The following RGS7 variants were observed in gnomAD, a reference collection of about 807,000 sequenced individuals.
RGS7 encodes the protein regulator of G protein signaling 7.
In RGS7, 27 loss-of-function variants were observed where a neutral mutation model predicts 81.1. The observed-to-expected ratio is 0.33, with a 90% CI of 0.25 to 0.46. The LOEUF (loss-of-function observed/expected upper bound fraction) is 0.46. Among genes scored for constraint, RGS7 ranks in the 20% least tolerant of loss-of-function variants. The pLI, the probability that RGS7 is intolerant of heterozygous loss-of-function variation, is 1.00. For synonymous variants in RGS7, 208 were observed against 207.7 expected, an observed-to-expected ratio of 1.00 and a Z score of -0.01; for missense variants, 396 against 607.4, an observed-to-expected ratio of 0.65 and a Z score of 3.66.
At chr1:240,993,180 GGAAA>G (rs1428789361) in intron 3 of RGS7, among the ~76,000 whole-genome samples, 16 of 138,982 alleles carry the variant, frequency 1.2e-4, no homozygotes, top group East Asian at 1.0e-3. Context: ...AAAGAAAGAA[GGAAA>G]GAAAGAAAGA....
rs567659396 is a variant in RGS7, at chr1:240,986,738, T to A, written c.176-3609A>T. ...GCTGGGACTACAGGCGCCCGCCACC[T>A]CGCCCGGCTAATTTTTTGTATTTTT... On this transcript the variant is annotated intron_variant, in intron 3 of 18. Transcript: ENST00000440928. 3.0e-4 allele frequency among the ~76,000 whole-genome samples: 6 copies of A among 20,022 alleles called. 3 individuals are homozygous for A. Among genetic ancestry groups the A allele is most frequent in the Non-Finnish European group, 3.7e-4 (4 of 10,920 alleles). 13.1% of individuals were successfully genotyped at this position (20,022 alleles called of 152,430 possible).
At chr1:241,142,573 C>G (rs2068008360) in intron 2 of RGS7, among the ~76,000 whole-genome samples, 1 of 152,182 alleles carries the variant, frequency 6.6e-6, no homozygotes, top group Admixed American at 6.5e-5. Context: ...CCCCTTTCAG[C>G]CATGGCTGGA....
At chr1:241,097,321 T>C (rs892699476) in intron 3 of RGS7, among the ~76,000 whole-genome samples, 2 of 151,954 alleles carry the variant, frequency 1.3e-5, no homozygotes, top group Admixed American at 1.3e-4. Flanking sequence ...GAAGTGGGCA[T>C]AAGAGGGAGT....
intron 2 of RGS7, among the ~76,000 whole-genome samples, chr1:241,216,024 C>G (rs71648645): frequency 1.3e-5 from 2 of 152,052 alleles, no homozygotes; most frequent in African/African-American, 4.8e-5. Context: ...GTCATCCCAG[C>G]ACTTTGGGAG....
chr1:240,785,236 C>T (rs1240396924), intron 18 of RGS7, among the ~76,000 whole-genome samples: 3 of 152,180 alleles, frequency 2.0e-5, no homozygotes, highest in African/African-American at 7.2e-5. Context: ...CTGTTACCCA[C>T]GAAGTGGTTC....
chr1:240,825,300 T>G (rs975634914), intron 10 of RGS7, among the ~76,000 whole-genome samples: 2 of 152,208 alleles, frequency 1.3e-5, no homozygotes, highest in African/African-American at 2.4e-5. Context: ...TAAACAACTA[T>G]GAGCTAAAGT....
At position 241,228,492 on chromosome 1, in the gene RGS7, C is replaced by T. The variant is rs1416769783; in HGVS notation, c.78+127207G>A. Among the ~76,000 whole-genome samples, 114 of 151,992 alleles carry T rather than the reference C, an allele frequency of 7.5e-4. 1 individual carries two copies. Among genetic ancestry groups the T allele is most frequent in the South Asian group, 2.1e-4 (1 of 4,822 alleles). On this transcript the variant is annotated intron_variant, in intron 2 of 18. Transcript: ENST00000440928. ...TAAAGACTACTATGGGCATTGAGCC[C>T]GCTGAACAGATAAGAAACCCAAGGT... is the stretch of plus-strand genomic sequence containing the variant.
intron 9 of RGS7, among the ~76,000 whole-genome samples, chr1:240,853,808 G>A (rs1318996603): frequency 6.9e-6 from 1 of 145,594 alleles, no homozygotes; most frequent in Non-Finnish European, 1.5e-5. Context: ...GGCTGAGGCA[G>A]GAGAATGGCG....
chr1:241,059,952 C>T (rs1198650965), intron 3 of RGS7, among the ~76,000 whole-genome samples: 1 of 150,630 alleles, frequency 6.6e-6, no homozygotes, highest in Non-Finnish European at 1.5e-5. Flanking sequence ...CCATTCTCAT[C>T]ATATCCACAG....
chr1:241,067,319 C>T (rs2062119151), intron 3 of RGS7, among the ~76,000 whole-genome samples: 1 of 151,992 alleles, frequency 6.6e-6, no homozygotes, highest in African/African-American at 2.4e-5. Flanking sequence ...CTCTGTATTC[C>T]ATGCTCCTAG....
At chr1:241,167,579 C>A (rs566777606) in intron 2 of RGS7, among the ~76,000 whole-genome samples, 1 of 151,696 alleles carries the variant, frequency 6.6e-6, no homozygotes, top group Non-Finnish European at 1.5e-5. Context: ...AGGGCAATGG[C>A]GCAATCTCGG....
intron 4 of RGS7, among the ~76,000 whole-genome samples, chr1:240,960,546 CTTT>C (rs5782170): frequency 2.4e-4 from 27 of 113,690 alleles, no homozygotes; most frequent in African/African-American, 5.7e-4. Context: ...CTGGGCTGTT[CTTT>C]TTTTTTTTTT....
At chr1:240,831,994 T>C (rs757281196) in intron 9 of RGS7, among the ~76,000 whole-genome samples, 6 of 152,188 alleles carry the variant, frequency 3.9e-5, no homozygotes, top group Non-Finnish European at 8.8e-5. Context: ...TGGCAAACAC[T>C]ATTCCTTTAA....
intron 2 of RGS7, among the ~76,000 whole-genome samples, chr1:241,156,039 T>A (rs1049375530): frequency 4.6e-5 from 7 of 152,008 alleles, no homozygotes; most frequent in African/African-American, 1.7e-4. Context: ...AGGCACTGTC[T>A]AGGTTCTATA....
chr1:240,999,799 C>T (rs778973274), intron 3 of RGS7, among the ~76,000 whole-genome samples: 5 of 151,486 alleles, frequency 3.3e-5, no homozygotes, highest in South Asian at 2.1e-4. Context: ...GACGGGGTTT[C>T]GCCATGTCGG....
intron 2 of RGS7, among the ~76,000 whole-genome samples, chr1:241,300,576 G>A (rs186150676): frequency 1.6e-4 from 25 of 152,292 alleles, no homozygotes; most frequent in East Asian, 7.7e-4. Flanking sequence ...GTTCTTCCAC[G>A]TCTTTCCATA....
chr1:241,356,438 CACTT>C (rs1456838142), intron 1 of RGS7, among the ~76,000 whole-genome samples: 1 of 152,192 alleles, frequency 6.6e-6, no homozygotes, highest in East Asian at 1.9e-4. Flanking sequence ...CCTTTCTCCC[CACTT>C]CGCTTCGGAA....
At chr1:240,812,654 C>T (rs773566120) in intron 13 of RGS7, among the ~76,000 whole-genome samples, 15 of 152,068 alleles carry the variant, frequency 9.9e-5, no homozygotes, top group East Asian at 1.9e-4. Context: ...AGGCTGGTCT[C>T]GAACTCCTGA....
chr1:241,265,543 AG>A (rs2077541866), intron 2 of RGS7, among the ~76,000 whole-genome samples: 1 of 152,208 alleles, frequency 6.6e-6, no homozygotes, highest in African/African-American at 2.4e-5. Flanking sequence ...TGCAGCCTCC[AG>A]GCAAGACGGC....
Sources: gnomAD v4.1 joint callset for allele counts (sites outside exome capture counted in the v4.1 genomes callset) on GRCh38, gnomAD v4.1.1 for gene constraint, MANE v1.5 for transcripts, NCBI Gene and HGNC (gene_info 2026-07-23, HGNC 2026-07-21) for gene names.